Variants in COL6A6 observed in about 807,000 individuals in gnomAD.
The protein encoded by COL6A6 is collagen type VI alpha 6 chain.
In COL6A6, 183 loss-of-function variants were observed where a neutral mutation model predicts 208.6. The observed-to-expected ratio is 0.88, with a 90% CI of 0.78 to 0.99. The LOEUF is 0.99. Ranked by LOEUF, COL6A6 falls within the 50% of genes least tolerant of loss-of-function variation. COL6A6 has a pLI of 0.00. For synonymous variants in COL6A6, 973 were observed against 1,011.8 expected (o/e 0.96, Z 0.73); for missense variants, 2,816 against 2,815.2 (o/e 1.00, Z -0.01).
At chr3:130,626,602 G>A in intron 25 of COL6A6, 55 bp downstream of exon 25, 1 of 1,200,842 alleles carries the variant, frequency 8.3e-7, no homozygotes, top group Non-Finnish European at 1.2e-6. Context: ...TAGTTCAGTA[G>A]ACATCTGGTG....
In COL6A6 at chr3:130,661,642, T is replaced by C. The variant is rs774551182; in HGVS notation, c.5836T>C (p.Cys1946Arg). ...LQRCTFCYDVCKPDASCDQAR... is the reference protein window; with the variant it reads ...LQRCTFCYDVRKPDASCDQAR... ...GAGTAACTTTTGGTTCACAGATGTG[T>C]GCAAGCCAGATGCTTCTTGTGACCA... Residue 1946 changes from cysteine (C) to arginine (R), a missense_variant, in exon 35 of 37, where the codon TGC (cysteine) becomes CGC (arginine). Coordinates refer to ENST00000358511, the MANE Select transcript of COL6A6 (RefSeq NM_001102608.3). The C allele has an allele frequency of 3.7e-6, 6 of 1,611,570 alleles. No homozygotes were observed. Among genetic ancestry groups the C allele is most frequent in the Non-Finnish European group, 1.7e-6 (2 of 1,178,686 alleles).
intron 36 of COL6A6, among the ~76,000 whole-genome samples, chr3:130,665,817 C>A (rs2066060858): frequency 6.6e-6 from 1 of 152,100 alleles, no homozygotes; most frequent in Non-Finnish European, 1.5e-5. Context: ...TTACAGGGTG[C>A]CAAAACCATC....
intron 31 of COL6A6, among the ~76,000 whole-genome samples, chr3:130,643,255 T>C (rs1022260414): frequency 1.3e-5 from 2 of 152,188 alleles, no homozygotes; most frequent in African/African-American, 4.8e-5. Context: ...GTGCTTTTAA[T>C]CTAAAGAAAA....
rs746637496 is a variant in COL6A6, at chr3:130,565,448, C to T, written c.1116C>T (p.Asp372=). 6 of 1,613,936 alleles carry T rather than the reference C, an allele frequency of 3.7e-6. No homozygotes were observed. Among genetic ancestry groups the T allele is most frequent in the Non-Finnish European group, 5.1e-6 (6 of 1,179,844 alleles). Residue 372 remains aspartate, a synonymous_variant, in exon 4 of 37, where the codon GAC becomes GAT. Transcript: ENST00000358511. ...IFTLGIEGAS[D]TQLEKIASHP... is the part of the protein sequence containing the mutation. ...CCCTGGGCATAGAGGGCGCCAGCGA[C>T]ACCCAGTTGGAAAAGATAGCATCCC...
At chr3:130,545,302 TTCTC>T (rs756162567) in intron 1 of COL6A6, among the ~76,000 whole-genome samples, 25 of 152,336 alleles carry the variant, frequency 1.6e-4, no homozygotes, top group East Asian at 7.7e-4. Context: ...TGTGTCTTGG[TTCTC>T]TCTAACTTTT....
rs200655125 is a variant in COL6A6 at position 130,574,135 on chromosome 3, C to T, written c.3157C>T (p.Pro1053Ser). 2.2e-4 allele frequency: 358 copies of T among 1,613,842 alleles called. No individual in the cohort carries two copies. Among genetic ancestry groups the T allele is most frequent in the Non-Finnish European group, 2.8e-4 (329 of 1,179,906 alleles). Reference protein sequence around the residue: ...QFSDTYHPEFPLGTFIGEKEI... With the variant: ...QFSDTYHPEFSLGTFIGEKEI... The stretch of plus-strand genomic sequence containing the variant: ...TAGCGATACCTATCACCCGGAGTTT[C>T]CACTGGGAACTTTCATAGGTGAAAA... Residue 1053 changes from proline to serine, a missense_variant, in exon 8 of 37, where the codon CCA becomes TCA. Physicochemically the swap from Pro to Ser is moderately conservative, Grantham distance 74. Coordinates refer to ENST00000358511, the MANE Select transcript of COL6A6 (RefSeq NM_001102608.3).
intron 33 of COL6A6, among the ~76,000 whole-genome samples, chr3:130,652,187 C>T (rs1392845144): frequency 2.0e-5 from 3 of 152,186 alleles, no homozygotes; most frequent in African/African-American, 7.2e-5. Flanking sequence ...TTAACAAATG[C>T]TGAATGAATG....
Position 130,621,824 on chromosome 3 carries a change from C to T in COL6A6, c.4819C>T (p.Pro1607Ser). 1 of 1,613,542 alleles carries T rather than the reference C, an allele frequency of 6.2e-7. No individual in the cohort carries two copies. The highest frequency in any genetic ancestry group is 8.5e-7 in the Non-Finnish European group (1 of 1,179,626). ...GGVGSKGPQGPPGPGGEAGNQ... is the reference protein window; with the variant it reads ...GGVGSKGPQGSPGPGGEAGNQ... ...CAAACCCCTTGTTTTGTTTCAGGGG[C>T]CTCCAGGACCCGGAGGAGAGGCAGG... Residue 1607 changes from proline (P) to serine (S), a missense_variant, in exon 24 of 37, where the codon CCT becomes TCT. By Grantham distance (74) the Pro-to-Ser change is moderately conservative. Coordinates refer to ENST00000358511, the MANE Select transcript of COL6A6 (RefSeq NM_001102608.3).
chr3:130,520,480 T>G (rs1711003388), intron 1 of COL6A6, among the ~76,000 whole-genome samples: 1 of 152,170 alleles, frequency 6.6e-6, no homozygotes, highest in Admixed American at 6.5e-5. Flanking sequence ...TTAGAGGAGA[T>G]TACCACATAA....
intron 1 of COL6A6, among the ~76,000 whole-genome samples, chr3:130,545,268 T>A (rs947456401): frequency 1.7e-4 from 26 of 152,332 alleles, no homozygotes; most frequent in Middle Eastern, 3.4e-3. Flanking sequence ...GCACTATTTA[T>A]TGAAGAGACT....
chr3:130,577,584 A>G (rs1179864825), intron 8 of COL6A6, among the ~76,000 whole-genome samples: 1 of 152,212 alleles, frequency 6.6e-6, no homozygotes, highest in Non-Finnish European at 1.5e-5. Context: ...ATGACTTGTC[A>G]TCACTGGCTA....
At chr3:130,534,122 A>G (rs2062169402) in intron 1 of COL6A6, among the ~76,000 whole-genome samples, 1 of 152,098 alleles carries the variant, frequency 6.6e-6, no homozygotes, top group South Asian at 2.1e-4. Context: ...GAGTGCATCA[A>G]ATTATATTCC....
intron 17 of COL6A6, 64 bp downstream of exon 17, chr3:130,593,316 T>G: frequency 2.4e-6 from 3 of 1,276,234 alleles, no homozygotes; most frequent in Non-Finnish European, 3.4e-6. Context: ...ATTAACAGAG[T>G]AGAATACTCA....
intron 1 of COL6A6, among the ~76,000 whole-genome samples, chr3:130,523,911 T>G (rs1467308723): frequency 6.6e-6 from 1 of 152,242 alleles, no homozygotes; most frequent in Admixed American, 6.5e-5. Context: ...CTGCATTCCC[T>G]GGGTTAATGC....
chr3:130,644,948 C>T (rs1206048704), intron 31 of COL6A6, 43 bp from the exon 32 acceptor site: 1 of 1,595,334 alleles, frequency 6.3e-7, no homozygotes, highest in Non-Finnish European at 8.6e-7. Context: ...ACTCTCTTCT[C>T]CTACCAAATA....
intron 23 of COL6A6, among the ~76,000 whole-genome samples, chr3:130,616,185 C>A (rs181259701): frequency 6.6e-6 from 1 of 151,838 alleles, no homozygotes; most frequent in African/African-American, 2.4e-5. Flanking sequence ...GAGTATTATT[C>A]TTCACCGGTT....
intron 10 of COL6A6, 119 bp from the exon 11 acceptor site, chr3:130,586,387 C>A: frequency 1.3e-6 from 1 of 784,066 alleles, no homozygotes; most frequent in Non-Finnish European, 2.0e-6. Flanking sequence ...GGGAAGTGGA[C>A]AGTAAACTGA....
intron 35 of COL6A6, among the ~76,000 whole-genome samples, chr3:130,662,859 T>C (rs983680905): frequency 1.3e-5 from 2 of 152,196 alleles, no homozygotes; most frequent in Non-Finnish European, 2.9e-5. Flanking sequence ...CTTTTTATGA[T>C]GCCAGTAATT....
At chr3:130,537,778 G>C (rs2062258465) in intron 1 of COL6A6, among the ~76,000 whole-genome samples, 1 of 152,158 alleles carries the variant, frequency 6.6e-6, no homozygotes, top group Non-Finnish European at 1.5e-5. Context: ...TTTGGGTATT[G>C]CTGGACAGAT....
Sources: gnomAD v4.1 joint callset for allele counts (sites outside exome capture counted in the v4.1 genomes callset) on GRCh38, gnomAD v4.1.1 for gene constraint, MANE v1.5 for transcripts, NCBI Gene and HGNC (gene_info 2026-07-23, HGNC 2026-07-21) for gene names.